The following ITSN1 variants were observed in gnomAD, a reference collection of about 807,000 sequenced individuals.
ITSN1 encodes intersectin 1.
ITSN1 carries 58 observed loss-of-function variants against 239.8 expected under a neutral mutation model. The observed-to-expected ratio is 0.24, with a 90% CI of 0.20 to 0.30. ITSN1 has a LOEUF of 0.30. Among genes scored for constraint, ITSN1 ranks in the 10% least tolerant of loss-of-function variants. The pLI is 1.00. For synonymous variants in ITSN1, 780 were observed against 770.8 expected, an observed-to-expected ratio of 1.01 and a Z score of -0.20; for missense variants, 1,558 against 2,103.3, an observed-to-expected ratio of 0.74 and a Z score of 5.07.
intron 4 of ITSN1, among the ~76,000 whole-genome samples, chr21:33,725,965 C>A (rs2065809251): frequency 6.6e-6 from 1 of 152,070 alleles, no homozygotes; most frequent in African/African-American, 2.4e-5. Context: ...AGTACTTGAT[C>A]TCTTAAAGCC....
intron 1 of ITSN1, among the ~76,000 whole-genome samples, chr21:33,659,705 CTTTTTTTTTTT>C (rs71194859): frequency 1.0e-4 from 8 of 76,608 alleles, no homozygotes; most frequent in Non-Finnish European, 1.4e-4. Context: ...GCAGCCTGTA[CTTTTTTTTTTT>C]TTTTTTTTTT....
At chr21:33,655,032 A>G (rs1445383410) in intron 1 of ITSN1, among the ~76,000 whole-genome samples, 3 of 150,240 alleles carry the variant, frequency 2.0e-5, no homozygotes, top group Non-Finnish European at 4.4e-5. Context: ...TTTTTTCACT[A>G]TGTCTAGGGA....
intron 29 of ITSN1, among the ~76,000 whole-genome samples, chr21:33,848,352 G>A (rs1602582096): frequency 6.6e-6 from 1 of 152,254 alleles, no homozygotes; most frequent in Admixed American, 6.5e-5. Flanking sequence ...GCCGAGGAGA[G>A]AGGCCTCAGG....
intron 25 of ITSN1, among the ~76,000 whole-genome samples, chr21:33,826,191 A>G (rs950010120): frequency 6.6e-6 from 1 of 152,148 alleles, no homozygotes; most frequent in Non-Finnish European, 1.5e-5. Context: ...CTCTGCCTCT[A>G]TGCATTGATA....
chr21:33,776,483 G>A (rs974770496), intron 14 of ITSN1, among the ~76,000 whole-genome samples: 1 of 148,758 alleles, frequency 6.7e-6, no homozygotes, highest in Non-Finnish European at 1.5e-5. Context: ...CCACGATATC[G>A]AGGCTGCAGT....
At position 33,865,443 on chromosome 21, in the gene ITSN1, C is replaced by T. The variant is rs1356123857; in HGVS notation, c.4074+109C>T. ...CTGCAAGAGTGTTCCCACTAGAGGC[C>T]AACAGGGCCTAGGGTCTTGGCTAAG... On this transcript the variant is annotated intron_variant, in intron 32 of 39. Coordinates refer to ENST00000381318, the MANE Select transcript of ITSN1 (RefSeq NM_003024.3). This position sits in a 1 kb window ranked among gnomAD's most constrained non-coding sequence, Gnocchi z 4.4. 3 of 897,372 alleles carry T rather than the reference C, an allele frequency of 3.3e-6. No homozygotes were observed. Among genetic ancestry groups the T allele is most frequent in the Non-Finnish European group, 4.9e-6 (3 of 608,142 alleles). 55.6% of individuals were successfully genotyped at this position (897,372 alleles called of 1,614,324 possible). A position where few individuals can be genotyped will look rare whatever the true frequency, so the allele number is the denominator to read the frequency against.
chr21:33,722,357 G>A (rs574332428), intron 3 of ITSN1, among the ~76,000 whole-genome samples: 4 of 152,312 alleles, frequency 2.6e-5, no homozygotes, highest in African/African-American at 9.6e-5. Flanking sequence ...GAAAATCTAT[G>A]CCAGGAAATG....
At chr21:33,643,637 A>G (rs2087654098) in intron 1 of ITSN1, 1 of 152,222 alleles carries the variant, frequency 6.6e-6, no homozygotes, top group Admixed American at 6.5e-5. Flanking sequence ...AGATTTTTAT[A>G]GCCTCTTCAA....
chr21:33,748,317 G>A (rs952371479), intron 5 of ITSN1, among the ~76,000 whole-genome samples: 1 of 152,050 alleles, frequency 6.6e-6, no homozygotes, highest in Non-Finnish European at 1.5e-5. Context: ...GCATTTGGTG[G>A]TGCGTGTCTA....
At chr21:33,837,449 T>C (rs1357984976) in intron 29 of ITSN1, 1 of 986,440 alleles carries the variant, frequency 1.0e-6, no homozygotes, top group African/African-American at 1.7e-5. Context: ...TTGTTCCAAA[T>C]GTCCATAAAT....
At chr21:33,748,590 A>T (rs541431153) in intron 5 of ITSN1, among the ~76,000 whole-genome samples, 1 of 152,238 alleles carries the variant, frequency 6.6e-6, no homozygotes, top group Admixed American at 6.5e-5. Context: ...TTGTAATCCC[A>T]GCACTTTGAG....
At chr21:33,834,069 A>T (rs1354010393) in intron 27 of ITSN1, among the ~76,000 whole-genome samples, 1 of 152,184 alleles carries the variant, frequency 6.6e-6, no homozygotes. Flanking sequence ...TAATTTTGTG[A>T]TCCACACAGT....
At chr21:33,887,330 AAATCACAGAGT>A (rs1985952313) in intron 39 of ITSN1, among the ~76,000 whole-genome samples, 1 of 151,936 alleles carries the variant, frequency 6.6e-6, no homozygotes, top group Non-Finnish European at 1.5e-5. Flanking sequence ...AAAAAAAAAA[AAATCACAGAGT>A]AAGTTAAAAG....
chr21:33,690,814 T>C (rs1399892148), intron 1 of ITSN1, among the ~76,000 whole-genome samples: 14 of 16,280 alleles, frequency 8.6e-4, no homozygotes, highest in East Asian at 1.9e-3. Flanking sequence ...TATATATATA[T>C]GTATATATAT....
chr21:33,803,299 C>A (rs1377567959), intron 20 of ITSN1, among the ~76,000 whole-genome samples: 2 of 152,164 alleles, frequency 1.3e-5, no homozygotes, highest in African/African-American at 4.8e-5. Flanking sequence ...GTTCCCTCTG[C>A]CCCAGAAATT....
chr21:33,717,220 G>A (rs371084107), intron 1 of ITSN1, among the ~76,000 whole-genome samples: 1 of 151,060 alleles, frequency 6.6e-6, no homozygotes, highest in Non-Finnish European at 1.5e-5. Context: ...TTTTGAGACA[G>A]GGTCTCTCTC....
At chr21:33,700,751 A>C (rs1021198123) in intron 1 of ITSN1, among the ~76,000 whole-genome samples, 1 of 152,006 alleles carries the variant, frequency 6.6e-6, no homozygotes, top group Non-Finnish European at 1.5e-5. Context: ...GTTTGGGCCC[A>C]GTTTCTTCAT....
chr21:33,897,438 A>G lies in ITSN1; in HGVS notation c.*9138A>G, dbSNP rs1248043751. 6.6e-6 allele frequency: 1 copy of G among 152,268 alleles called. No individual in the cohort carries two copies. Among genetic ancestry groups the G allele is most frequent in the African/African-American group, 2.4e-5 (1 of 41,464 alleles). The allele number at this position is 152,268 out of a possible 1,614,324, so 9.4% of individuals were successfully genotyped here. On this transcript the variant is annotated 3_prime_UTR_variant, in exon 40 of 40. Transcript: ENST00000381318. ...TACATGTGTACAGATGAGAAACTGC[A>G]ACAAAAATGTCCTGTGGATGATAAT...
intron 12 of ITSN1, among the ~76,000 whole-genome samples, chr21:33,772,953 A>G (rs1021458452): frequency 6.6e-6 from 1 of 152,112 alleles, no homozygotes. Context: ...TAATTTTTTA[A>G]AAACCACTGT....
Sources: gnomAD v4.1 joint callset for allele counts (sites outside exome capture counted in the v4.1 genomes callset) on GRCh38, gnomAD v4.1.1 for gene constraint, Gnocchi (gnomAD v3.1) non-coding constraint, MANE v1.5 for transcripts, NCBI Gene and HGNC (gene_info 2026-07-23, HGNC 2026-07-21) for gene names.